Variants in LNX1 observed in about 807,000 individuals in gnomAD.
LNX1 encodes ligand of numb-protein X 1.
LNX1 carries 54 observed loss-of-function variants against 68.4 expected under a neutral mutation model. The ratio of observed to expected loss-of-function variants is 0.79; its 90% confidence interval spans 0.63 to 0.99. The LOEUF (loss-of-function observed/expected upper bound fraction) is 0.99, where lower values mean the gene tolerates loss of function less well. Ranked by LOEUF, LNX1 falls within the 50% of genes least tolerant of loss-of-function variation. The probability of loss-of-function intolerance (pLI) is 0.00; values close to 1 mark genes in which losing one functional copy is unlikely to be tolerated. For synonymous variants in LNX1, 336 were observed against 350.0 expected, an observed-to-expected ratio of 0.96 and a Z score of 0.45; for missense variants, 906 against 926.4, an observed-to-expected ratio of 0.98 and a Z score of 0.29.
intron 2 of LNX1, among the ~76,000 whole-genome samples, chr4:53,559,727 A>T (rs570646307): frequency 3.7e-4 from 56 of 151,876 alleles, no homozygotes; most frequent in African/African-American, 1.1e-3. Flanking sequence ...ACCTCACTGC[A>T]GTGGTGAACT....
At chr4:53,566,107 A>C (rs931348423) in intron 2 of LNX1, among the ~76,000 whole-genome samples, 2 of 152,006 alleles carry the variant, frequency 1.3e-5, no homozygotes, top group Non-Finnish European at 2.9e-5. Context: ...TCCCCAATCT[A>C]GCAAGGCAGG....
chr4:53,585,685 G>A (rs1314697387), intron 1 of LNX1, among the ~76,000 whole-genome samples: 1 of 152,144 alleles, frequency 6.6e-6, no homozygotes, highest in Non-Finnish European at 1.5e-5. Context: ...TTGGAATTAT[G>A]CACCCACAAG....
intron 2 of LNX1, among the ~76,000 whole-genome samples, chr4:53,532,817 C>T (rs1325887579): frequency 2.6e-5 from 4 of 152,214 alleles, no homozygotes; most frequent in Non-Finnish European, 5.9e-5. Flanking sequence ...GGCTGCCTCA[C>T]CTGAGGGTGA....
chr4:53,589,048 G>A (rs559478259), intron 1 of LNX1, among the ~76,000 whole-genome samples: 2 of 152,346 alleles, frequency 1.3e-5, no homozygotes, highest in South Asian at 2.1e-4. Context: ...AGGGAGAAGG[G>A]TGTTTATCTG....
intron 2 of LNX1, among the ~76,000 whole-genome samples, chr4:53,612,740 T>C (rs1733544245): frequency 6.6e-6 from 1 of 150,810 alleles, no homozygotes; most frequent in Non-Finnish European, 1.5e-5. Context: ...TCTCGCTATA[T>C]TGGGTATGGC....
intron 2 of LNX1, among the ~76,000 whole-genome samples, chr4:53,537,858 T>C (rs1299853382): frequency 6.6e-6 from 1 of 152,238 alleles, no homozygotes; most frequent in East Asian, 1.9e-4. Context: ...CACACTCTGG[T>C]CCAGCCAGTT....
intron 2 of LNX1, among the ~76,000 whole-genome samples, chr4:53,516,579 T>A (rs1726802830): frequency 1.3e-5 from 2 of 152,142 alleles, no homozygotes; most frequent in African/African-American, 4.8e-5. Flanking sequence ...TCTAGCAGAC[T>A]AAGTATGAGT....
intron 6 of LNX1, among the ~76,000 whole-genome samples, chr4:53,489,977 A>C (rs192079349): frequency 6.6e-6 from 1 of 152,280 alleles, no homozygotes; most frequent in Admixed American, 6.5e-5. Context: ...ACAGTACCAC[A>C]AAAGTTCTAC....
At chr4:53,493,153 G>C (rs1449737166) in intron 6 of LNX1, among the ~76,000 whole-genome samples, 1 of 152,094 alleles carries the variant, frequency 6.6e-6, no homozygotes, top group Non-Finnish European at 1.5e-5. Context: ...ATTTTTAGTA[G>C]AGATGGGGTT....
intron 2 of LNX1, among the ~76,000 whole-genome samples, chr4:53,517,059 C>T (rs2109556165): frequency 6.6e-6 from 1 of 152,290 alleles, no homozygotes; most frequent in South Asian, 2.1e-4. Flanking sequence ...TCCTGCTTTT[C>T]TTGCTCGCCA....
chr4:53,559,812 TA>T (rs35388102), intron 2 of LNX1, among the ~76,000 whole-genome samples: 578 of 132,938 alleles, frequency 4.3e-3, no homozygotes, highest in Non-Finnish European at 3.3e-3. Flanking sequence ...CATGCCTGGC[TA>T]AAAAAAAAAA....
chr4:53,620,311 G>A (rs1286450119), upstream of LNX1, among the ~76,000 whole-genome samples: 1 of 152,042 alleles, frequency 6.6e-6, no homozygotes, highest in Admixed American at 6.6e-5. Context: ...TATAACCTGT[G>A]AACATATTAT....
At chr4:53,591,210 C>A (rs1352538258) in intron 1 of LNX1, among the ~76,000 whole-genome samples, 178 bp downstream of exon 1, 1 of 152,122 alleles carries the variant, frequency 6.6e-6, no homozygotes, top group African/African-American at 2.4e-5. Context: ...GTTTATTGTG[C>A]AACTAGAATG....
Position 53,501,299 on chromosome 4 carries a change from T to TG in LNX1, c.776-2457dup, listed in dbSNP as rs1553932749. Among the ~76,000 whole-genome samples the TG allele has an allele frequency of 1.2e-3, 48 of 38,810 alleles. 3 individuals carry two copies. Among genetic ancestry groups the TG allele is most frequent in the African/African-American group, 3.0e-3 (48 of 16,108 alleles). 25.5% of individuals were successfully genotyped at this position (38,810 alleles called of 152,430 possible). A position where few individuals can be genotyped will look rare whatever the true frequency, so the allele number is the denominator to read the frequency against. On this transcript the variant is annotated intron_variant, in intron 4 of 10. Coordinates refer to ENST00000263925, the MANE Select transcript of LNX1 (RefSeq NM_001126328.3). The stretch of plus-strand genomic sequence containing the variant: ...TAATAATCTTTTTTTTTTTTTTTTT[T>TG]GGGGGTGGGGGGACAGGATCTCACT...
At chr4:53,509,233 C>G (rs1008015917) in intron 2 of LNX1, among the ~76,000 whole-genome samples, 1 of 152,212 alleles carries the variant, frequency 6.6e-6, no homozygotes, top group African/African-American at 2.4e-5. Flanking sequence ...GAAATCATAT[C>G]ACGAGCCCCT....
chr4:53,491,204 C>A (rs1363814996), intron 6 of LNX1, among the ~76,000 whole-genome samples: 1 of 151,412 alleles, frequency 6.6e-6, no homozygotes, highest in African/African-American at 2.4e-5. Context: ...GATTGACCTG[C>A]AGAGGGAGTT....
At chr4:53,607,273 C>CA (rs774889671) in intron 2 of LNX1, among the ~76,000 whole-genome samples, 5 of 152,144 alleles carry the variant, frequency 3.3e-5, no homozygotes, top group Non-Finnish European at 4.4e-5. Flanking sequence ...TTTCAGGGTA[C>CA]AAAATCAATG....
chr4:53,466,205 C>T (rs1722669686), intron 9 of LNX1, among the ~76,000 whole-genome samples: 1 of 152,024 alleles, frequency 6.6e-6, no homozygotes, highest in Non-Finnish European at 1.5e-5. Context: ...GTACTGTTTT[C>T]AGAAAAGGTA....
In LNX1 at chr4:53,591,347, G is replaced by C. The variant is rs1481455755; in HGVS notation, c.-87+41C>G. Reference sequence around the variant, plus strand: ...TGTTCAGATCCCTCAGGGGCCAGTGGTCTAAATGCCAAGAGAGAAAAATGG... The same window carrying C: ...TGTTCAGATCCCTCAGGGGCCAGTGCTCTAAATGCCAAGAGAGAAAAATGG... On this transcript the variant is annotated intron_variant, in intron 1 of 10. Transcript: ENST00000263925. 3.1e-6 allele frequency: 3 copies of C among 974,064 alleles called. No individual in the cohort carries two copies. The East Asian group carries it at 3.4e-4, about 111-fold the overall frequency. 60.3% of individuals were successfully genotyped at this position (974,064 alleles called of 1,614,324 possible).
Sources: allele counts gnomAD v4.1 joint callset (sites outside exome capture counted in the v4.1 genomes callset), GRCh38; gene constraint gnomAD v4.1.1; transcripts MANE v1.5; gene names NCBI Gene and HGNC (gene_info 2026-07-23, HGNC 2026-07-21).